CUL1: variants seen among roughly 807,000 people sequenced by gnomAD.
CUL1 encodes cullin-1.
Under a neutral mutation model 118.0 loss-of-function variants are expected in CUL1, and 24 were observed. The ratio of observed to expected loss-of-function variants is 0.20; its 90% CI spans 0.15 to 0.29. The LOEUF (loss-of-function observed/expected upper bound fraction) is 0.29, where lower values mean the gene tolerates loss of function less well. Ranked by LOEUF, CUL1 falls within the 10% of genes least tolerant of loss-of-function variation. The probability of loss-of-function intolerance (pLI) is 1.00; values close to 1 mark genes in which losing one functional copy is unlikely to be tolerated. For synonymous variants in CUL1, 332 were observed against 340.4 expected, an observed-to-expected ratio of 0.98 and a Z score of 0.27; for missense variants, 361 against 933.8, an observed-to-expected ratio of 0.39 and a Z score of 7.99.
intron 16 of CUL1, among the ~76,000 whole-genome samples, chr7:148,791,268 C>G (rs1800998707): frequency 6.6e-6 from 1 of 152,204 alleles, no homozygotes; most frequent in Non-Finnish European, 1.5e-5. Context: ...AAGTTTTCAC[C>G]AGTGAGTTTC....
At chr7:148,773,454 C>T (rs1800287352) in intron 9 of CUL1, among the ~76,000 whole-genome samples, 1 of 152,138 alleles carries the variant, frequency 6.6e-6, no homozygotes, top group Non-Finnish European at 1.5e-5. Flanking sequence ...TACAAGTGTA[C>T]ATGTGGTTAT....
chr7:148,750,040 T>C (rs1799437041), intron 2 of CUL1, among the ~76,000 whole-genome samples: 1 of 152,202 alleles, frequency 6.6e-6, no homozygotes, highest in African/African-American at 2.4e-5. Context: ...GCCCTAACTC[T>C]CTGCAATTCT....
chr7:148,715,208 C>T (rs1378756342), intron 1 of CUL1, among the ~76,000 whole-genome samples: 1 of 152,170 alleles, frequency 6.6e-6, no homozygotes, highest in African/African-American at 2.4e-5. Flanking sequence ...TGAGTCAGTC[C>T]TGAGGATCCT....
At chr7:148,752,737 C>T (rs1186882372) in intron 2 of CUL1, among the ~76,000 whole-genome samples, 1 of 152,226 alleles carries the variant, frequency 6.6e-6, no homozygotes, top group African/African-American at 2.4e-5. Context: ...CAAGCTCCGC[C>T]TCCCGGGTTC....
intron 21 of CUL1, among the ~76,000 whole-genome samples, chr7:148,799,899 C>T (rs1801331068): frequency 6.6e-6 from 1 of 152,094 alleles, no homozygotes; most frequent in Admixed American, 6.5e-5. Flanking sequence ...AACACACCTT[C>T]CTTTATGTAG....
At chr7:148,704,622 T>C (rs1028461288) in intron 1 of CUL1, among the ~76,000 whole-genome samples, 1 of 152,216 alleles carries the variant, frequency 6.6e-6, no homozygotes, top group Non-Finnish European at 1.5e-5. Context: ...TTAACTTCCA[T>C]AATACTGTAT....
intron 1 of CUL1, among the ~76,000 whole-genome samples, chr7:148,715,176 G>C (rs1246900403): frequency 6.6e-6 from 1 of 152,160 alleles, no homozygotes; most frequent in African/African-American, 2.4e-5. Flanking sequence ...TGGTGAATGG[G>C]GTAATAAGTC....
At chr7:148,725,409 G>A (rs990585235) in intron 1 of CUL1, among the ~76,000 whole-genome samples, 8 of 152,190 alleles carry the variant, frequency 5.3e-5, no homozygotes, top group Non-Finnish European at 8.8e-5. Flanking sequence ...TGCCTGGACC[G>A]GGCTGCACCC....
chr7:148,773,894 G>A (rs1269834794), intron 9 of CUL1, among the ~76,000 whole-genome samples: 1 of 152,130 alleles, frequency 6.6e-6, no homozygotes, highest in African/African-American at 2.4e-5. Context: ...TTAGATGTCC[G>A]TGTGAACGTC....
chr7:148,704,820 T>A (rs571586240), intron 1 of CUL1, among the ~76,000 whole-genome samples: 86 of 152,320 alleles, frequency 5.6e-4, no homozygotes, highest in African/African-American at 2.0e-3. Context: ...GGTTATTATT[T>A]TTTTTTTCCT....
chr7:148,792,671 T>G, intron 16 of CUL1, 55 bp from the exon 17 acceptor site: 1 of 1,241,314 alleles, frequency 8.1e-7, no homozygotes, highest in Non-Finnish European at 1.1e-6. Context: ...TTTTGGGAGG[T>G]GTTTCCATGC....
intron 6 of CUL1, 84 bp downstream of exon 6, chr7:148,759,722 A>G: frequency 1.6e-6 from 1 of 610,338 alleles, no homozygotes. Flanking sequence ...CATTTTTAAA[A>G]TATTTTAATA....
upstream of CUL1, chr7:148,698,799 G>A (rs981301495): frequency 1.3e-5 from 2 of 154,770 alleles, no homozygotes; most frequent in South Asian, 1.8e-4. Context: ...CGCAGGGAAG[G>A]CGAGAGGGCG....
chr7:148,778,019 T>C (rs1029405709), intron 9 of CUL1, among the ~76,000 whole-genome samples: 3 of 129,970 alleles, frequency 2.3e-5, no homozygotes, highest in African/African-American at 9.0e-5. Context: ...GCCGAGATCA[T>C]GCCACTGCAC....
At chr7:148,777,210 G>C (rs1324001915) in intron 9 of CUL1, among the ~76,000 whole-genome samples, 3 of 152,178 alleles carry the variant, frequency 2.0e-5, no homozygotes, top group Non-Finnish European at 4.4e-5. Context: ...ATGGTGCTGG[G>C]ATCAGGAATG....
At chr7:148,792,925 T>C (rs1801066196) in intron 17 of CUL1, 107 bp downstream of exon 17, 2 of 720,486 alleles carry the variant, frequency 2.8e-6, no homozygotes, top group Non-Finnish European at 2.3e-6. Context: ...TAATTTGAAA[T>C]AGATGTTTGC....
intron 2 of CUL1, among the ~76,000 whole-genome samples, chr7:148,736,905 G>A (rs149362440): frequency 1.3e-5 from 2 of 152,300 alleles, no homozygotes; most frequent in African/African-American, 2.4e-5. Flanking sequence ...AAAAGTTTGT[G>A]TACACCATAT....
intron 9 of CUL1, among the ~76,000 whole-genome samples, chr7:148,782,078 G>A (rs73745375): frequency 0.024 from 3,582 of 152,182 alleles, 130 homozygotes; most frequent in African/African-American, 0.083. Flanking sequence ...TTGAATCCTC[G>A]CTGTAGGCTG....
intron 2 of CUL1, among the ~76,000 whole-genome samples, chr7:148,732,723 T>C (rs1798805596): frequency 6.6e-6 from 1 of 152,162 alleles, no homozygotes; most frequent in Non-Finnish European, 1.5e-5. Flanking sequence ...CGGTGAGACT[T>C]TGTATGCTAG....
Sources: allele counts gnomAD v4.1 joint callset (sites outside exome capture counted in the v4.1 genomes callset), GRCh38; gene constraint gnomAD v4.1.1; transcripts MANE v1.5; gene names NCBI Gene and HGNC (gene_info 2026-07-23, HGNC 2026-07-21).